NAA30: variants seen among roughly 807,000 people sequenced by gnomAD.
NAA30 encodes the protein N-alpha-acetyltransferase 30.
Under a neutral mutation model 31.4 loss-of-function variants are expected in NAA30, and 5 were observed. The ratio of observed to expected loss-of-function variants is 0.16; its 90% CI spans 0.08 to 0.33. NAA30 has a LOEUF of 0.33. Among genes scored for constraint, NAA30 ranks in the 10% least tolerant of loss-of-function variants. The pLI, the probability that NAA30 is intolerant of heterozygous loss-of-function variation, is 1.00. For synonymous variants in NAA30, 222 were observed against 207.1 expected (o/e 1.07, Z -0.62); for missense variants, 428 against 490.8 (o/e 0.87, Z 1.21).
chr14:57,391,270 G>A lies in NAA30; in HGVS notation c.313G>A (p.Val105Ile), dbSNP rs1434857781. 1.9e-6 allele frequency: 3 copies of A among 1,611,886 alleles called. No homozygotes were observed. Among genetic ancestry groups the A allele is most frequent in the South Asian group, 2.2e-5 (2 of 91,004 alleles). Residue 105 changes from valine to isoleucine, a missense_variant, in exon 2 of 5, where the codon GTC becomes ATC. Val to Ile is a conservative substitution (Grantham distance 29). Transcript: ENST00000556492. This position sits in a 1 kb window ranked among gnomAD's most constrained non-coding sequence, Gnocchi z 4.1. Reference sequence around the variant, plus strand: ...GGCGGCCGCCTCCCTCAAGAGCAAGGTCCTGAGCGTAGCAGAGGTGGCCGC... The same window carrying A: ...GGCGGCCGCCTCCCTCAAGAGCAAGATCCTGAGCGTAGCAGAGGTGGCCGC... ...LRAAASLKSK[V>I]LSVAEVAATT...
intron 4 of NAA30, among the ~76,000 whole-genome samples, chr14:57,408,727 A>G (rs1397531881): frequency 3.3e-5 from 5 of 152,184 alleles, no homozygotes; most frequent in Non-Finnish European, 7.3e-5. Flanking sequence ...AAGGCCCACT[A>G]GTAATTATTT....
Position 57,412,909 on chromosome 14 carries a change from T to G in NAA30, c.*3393T>G, listed in dbSNP as rs1464530987. 6.6e-6 allele frequency: 1 copy of G among 152,240 alleles called. No individual in the cohort carries two copies. The highest frequency in any genetic ancestry group is 1.5e-5 in the Non-Finnish European group (1 of 68,046). 9.4% of individuals were successfully genotyped at this position (152,240 alleles called of 1,614,324 possible). A position where few individuals can be genotyped will look rare whatever the true frequency, so the allele number is the denominator to read the frequency against. On this transcript the variant is annotated 3_prime_UTR_variant, in exon 5 of 5. Transcript: ENST00000556492. The stretch of plus-strand genomic sequence containing the variant: ...AGTATTACATAATTGTCATCACTGT[T>G]GTGTGTTCTGACAAAGTAAATTTGA...
chr14:57,409,579 T>G lies in NAA30; in HGVS notation c.*63T>G. The G allele has an allele frequency of 2.0e-6, 3 of 1,475,454 alleles. No homozygotes were observed. The highest frequency in any genetic ancestry group is 2.7e-6 in the Non-Finnish European group (3 of 1,103,538). 91.4% of individuals were successfully genotyped at this position (1,475,454 alleles called of 1,614,324 possible). On this transcript the variant is annotated 3_prime_UTR_variant, in exon 5 of 5. Coordinates refer to ENST00000556492, the MANE Select transcript of NAA30 (RefSeq NM_001011713.3). Reference sequence around the variant, plus strand: ...ATCGACCTTTGCATGCAATGCAATTTGTACAGAATTGCTTTGCAGGTGGAT... The same window carrying G: ...ATCGACCTTTGCATGCAATGCAATTGGTACAGAATTGCTTTGCAGGTGGAT...
At position 57,409,691 on chromosome 14, in the gene NAA30, C is replaced by G. The variant is rs1020803739; in HGVS notation, c.*175C>G. 7.6e-6 allele frequency: 4 copies of G among 528,694 alleles called. No individual in the cohort carries two copies. The highest frequency in any genetic ancestry group is 5.9e-5 in the African/African-American group (3 of 50,806). The allele number at this position is 528,694 out of a possible 1,614,324, so 32.8% of individuals were successfully genotyped here. A position where few individuals can be genotyped will look rare whatever the true frequency, so the allele number is the denominator to read the frequency against. ...TGCACTTTGGCATGGCACATTTGTT[C>G]TGAATTAAAAGATTGTTTTAAACTT... On this transcript the variant is annotated 3_prime_UTR_variant, in exon 5 of 5. Coordinates refer to ENST00000556492, the MANE Select transcript of NAA30 (RefSeq NM_001011713.3).
chr14:57,406,267 C>T (rs536824979), intron 4 of NAA30, among the ~76,000 whole-genome samples: 19 of 152,280 alleles, frequency 1.2e-4, no homozygotes, highest in African/African-American at 4.6e-4. Flanking sequence ...TTCTTAACCA[C>T]ACTTTAAGTG....
chr14:57,396,530 A>C (rs1254646112), intron 2 of NAA30, among the ~76,000 whole-genome samples: 2 of 152,228 alleles, frequency 1.3e-5, no homozygotes, highest in African/African-American at 4.8e-5. Flanking sequence ...GTAAGCATAA[A>C]AAATTCATGT....
rs2139756265 is a variant in NAA30, at chr14:57,391,225, C to T, written c.268C>T (p.Pro90Ser). The T allele has an allele frequency of 2.5e-6, 4 of 1,612,210 alleles. No homozygotes were observed. Among genetic ancestry groups the T allele is most frequent in the Non-Finnish European group, 2.5e-6 (3 of 1,179,860 alleles). The change falls in exon 2 of 5, where the codon CCC (proline) becomes TCC (serine). Residue 90 changes from proline (P) to serine (S), a missense_variant. Around this residue, in one of 2 missense-constraint regions of NAA30, gnomAD observed 349 missense variants for 310.4 expected, o/e 1.12. Coordinates refer to ENST00000556492, the MANE Select transcript of NAA30 (RefSeq NM_001011713.3). This position sits in a 1 kb window ranked among gnomAD's most constrained non-coding sequence, Gnocchi z 4.1. ...GCAGCAGCTCAACGGATTGATTAGC[C>T]CCGAACTGCGGCACCTCCGGGCGGC... ...EQQQLNGLIS[P>S]ELRHLRAAAS...
rs1216688726 is a variant in NAA30, at chr14:57,409,940, G to A, written c.*424G>A. 6.5e-6 allele frequency: 1 copy of A among 154,548 alleles called. No individual in the cohort carries two copies. Among genetic ancestry groups the A allele is most frequent in the Non-Finnish European group, 1.4e-5 (1 of 69,410 alleles). 9.6% of individuals were successfully genotyped at this position (154,548 alleles called of 1,614,324 possible). On this transcript the variant is annotated 3_prime_UTR_variant, in exon 5 of 5. Coordinates refer to ENST00000556492, the MANE Select transcript of NAA30 (RefSeq NM_001011713.3). Reference sequence around the variant, plus strand: ...CCTGCCCTAGTTTTCTGAAGTGGGTGAGGGAGACGCTTCAGTTTTAGGTTT... The same window carrying A: ...CCTGCCCTAGTTTTCTGAAGTGGGTAAGGGAGACGCTTCAGTTTTAGGTTT...
intron 4 of NAA30, among the ~76,000 whole-genome samples, chr14:57,405,775 C>A (rs918233579): frequency 2.0e-5 from 3 of 152,168 alleles, no homozygotes; most frequent in Non-Finnish European, 4.4e-5. Context: ...TGTGGTAGTG[C>A]TAAAGTTCTA....
At chr14:57,403,477 C>T (rs1477508416) in intron 4 of NAA30, among the ~76,000 whole-genome samples, 1 of 152,138 alleles carries the variant, frequency 6.6e-6, no homozygotes, top group Non-Finnish European at 1.5e-5. Context: ...TTGATGTTTT[C>T]ATTTTGTCTT....
At position 57,391,634 on chromosome 14, in the gene NAA30, A is replaced by C; in HGVS notation, c.677A>C (p.Asp226Ala). 6.2e-7 allele frequency: 1 copy of C among 1,614,256 alleles called. No homozygotes were observed. Among genetic ancestry groups the C allele is most frequent in the East Asian group, 2.2e-5 (1 of 44,884 alleles). Reference protein sequence around the residue: ...VRYESELQMPDIMRLITKDLS... With the variant: ...VRYESELQMPAIMRLITKDLS... ...TATGAATCCGAGCTACAAATGCCCG[A>C]TATCATGAGACTGATCACCAAAGAT... Residue 226 changes from aspartate (D) to alanine (A), a missense_variant, in exon 2 of 5, where the codon GAT becomes GCT. Physicochemically the swap from Asp to Ala is moderately radical, Grantham distance 126. Coordinates refer to ENST00000556492, the MANE Select transcript of NAA30 (RefSeq NM_001011713.3). This position sits in a 1 kb window ranked among gnomAD's most constrained non-coding sequence, Gnocchi z 4.1.
intron 4 of NAA30, among the ~76,000 whole-genome samples, chr14:57,403,777 T>C (rs1320518223): frequency 1.3e-5 from 2 of 152,162 alleles, no homozygotes; most frequent in Non-Finnish European, 2.9e-5. Context: ...TAAATACATA[T>C]AGAATGAATG....
rs1440065605 is a variant in NAA30, at chr14:57,413,977, G to A, written c.*4461G>A. 1 of 152,234 alleles carries A rather than the reference G, an allele frequency of 6.6e-6. No individual in the cohort carries two copies. The highest frequency in any genetic ancestry group is 1.5e-5 in the Non-Finnish European group (1 of 68,072). The allele number at this position is 152,234 out of a possible 1,614,324, so 9.4% of individuals were successfully genotyped here. On this transcript the variant is annotated 3_prime_UTR_variant, in exon 5 of 5. Transcript: ENST00000556492. ...TGTAGCTACTGAGCCCCTGAAGTGT[G>A]GGTGGGATGATTGAGCTGAATTTGT...
chr14:57,410,667 TTGCTTTTCTTC>T lies in NAA30; in HGVS notation c.*1155_*1165del, dbSNP rs2066518884. On this transcript the variant is annotated 3_prime_UTR_variant, in exon 5 of 5. Coordinates refer to ENST00000556492, the MANE Select transcript of NAA30 (RefSeq NM_001011713.3). Reference sequence around the variant, plus strand: ...GTATGAGCAAATTCTTGGGGGAGCTTTGCTTTTCTTCTGCCAGAAAAACAAAAGGGGGAAAT... The same window carrying T: ...GTATGAGCAAATTCTTGGGGGAGCTTTGCCAGAAAAACAAAAGGGGGAAAT... The T allele has an allele frequency of 6.6e-6, 1 of 152,110 alleles. No individual in the cohort carries two copies. Among genetic ancestry groups the T allele is most frequent in the African/African-American group, 2.4e-5 (1 of 41,426 alleles). The allele number at this position is 152,110 out of a possible 1,614,324, so 9.4% of individuals were successfully genotyped here.
At position 57,412,438 on chromosome 14, in the gene NAA30, GATAAA is replaced by G. The variant is rs1391009475; in HGVS notation, c.*2925_*2929del. The G allele has an allele frequency of 6.6e-6, 1 of 152,098 alleles. No individual in the cohort carries two copies. The highest frequency in any genetic ancestry group is 1.5e-5 in the Non-Finnish European group (1 of 68,008). 9.4% of individuals were successfully genotyped at this position (152,098 alleles called of 1,614,324 possible). On this transcript the variant is annotated 3_prime_UTR_variant, in exon 5 of 5. Coordinates refer to ENST00000556492, the MANE Select transcript of NAA30 (RefSeq NM_001011713.3). The stretch of plus-strand genomic sequence containing the variant: ...AAGTTCATCACTTTTCAGGAGTATA[GATAAA>G]ATCAAATTGGTAGTACATCAGAGTT...
intron 4 of NAA30, among the ~76,000 whole-genome samples, chr14:57,403,207 G>A (rs916969545): frequency 2.7e-5 from 4 of 147,084 alleles, no homozygotes; most frequent in African/African-American, 5.0e-5. Flanking sequence ...GGAAATCTCC[G>A]TGAAACCTTA....
intron 2 of NAA30, among the ~76,000 whole-genome samples, chr14:57,395,021 G>A (rs560824721): frequency 6.6e-6 from 1 of 152,236 alleles, no homozygotes; most frequent in East Asian, 1.9e-4. Context: ...TATATTTGAA[G>A]TGAGTTTCAA....
intron 3 of NAA30, among the ~76,000 whole-genome samples, chr14:57,397,744 G>A (rs540650525): frequency 6.6e-6 from 1 of 152,334 alleles, no homozygotes; most frequent in East Asian, 1.9e-4. Flanking sequence ...GGGCAAGATG[G>A]CGAAACCCTG....
intron 4 of NAA30, among the ~76,000 whole-genome samples, chr14:57,404,801 G>C (rs763122844): frequency 7.9e-5 from 12 of 152,072 alleles, no homozygotes; most frequent in Non-Finnish European, 1.8e-4. Flanking sequence ...ATCGGATCTC[G>C]TGAGACTTAA....
Sources: gnomAD v4.1 joint callset for allele counts (sites outside exome capture counted in the v4.1 genomes callset) on GRCh38, gnomAD v4.1.1 for gene constraint, gnomAD v4.1.1 regional missense constraint, Gnocchi (gnomAD v3.1) non-coding constraint, MANE v1.5 for transcripts, NCBI Gene and HGNC (gene_info 2026-07-23, HGNC 2026-07-21) for gene names.